The following NR3C1 variants were observed in gnomAD, a reference collection of about 807,000 sequenced individuals.
The protein encoded by NR3C1 is glucocorticoid receptor.
A neutral mutation model predicts 74.0 loss-of-function variants in NR3C1; 14 were observed. That is an observed-to-expected ratio of 0.19 (90% CI 0.12 to 0.30). The LOEUF is 0.30. Among genes scored for constraint, NR3C1 ranks in the 10% least tolerant of loss-of-function variants. NR3C1 has a pLI of 1.00. For missense variants in NR3C1, 695 were observed against 909.8 expected, an observed-to-expected ratio of 0.76 and a Z score of 3.04; for synonymous variants, 308 against 332.5, an observed-to-expected ratio of 0.93 and a Z score of 0.80.
At chr5:143,343,050 A>G (rs1488727058) in intron 2 of NR3C1, among the ~76,000 whole-genome samples, 1 of 152,214 alleles carries the variant, frequency 6.6e-6, no homozygotes, top group Non-Finnish European at 1.5e-5. Context: ...ACACTGTCCA[A>G]CCAAGGTTCT....
At chr5:143,373,607 A>G (rs575355207) in intron 2 of NR3C1, among the ~76,000 whole-genome samples, 26 of 152,306 alleles carry the variant, frequency 1.7e-4, no homozygotes, top group Admixed American at 1.6e-3. Flanking sequence ...AACTTAAAGT[A>G]TAATATAAAA....
Position 143,339,551 on chromosome 5 carries a change from A to C in NR3C1, c.1185-25383T>G, listed in dbSNP as rs112345057. Reference sequence around the variant, plus strand: ...ATGTTCCCTTTTTCAAAATCCTTTAATTTGATAAATGCATTATTTTTCTTA... The same window carrying C: ...ATGTTCCCTTTTTCAAAATCCTTTACTTTGATAAATGCATTATTTTTCTTA... On this transcript the variant is annotated intron_variant, in intron 2 of 8. Coordinates refer to ENST00000394464, the MANE Select transcript of NR3C1 (RefSeq NM_000176.3). Among the ~76,000 whole-genome samples, 942 of 152,240 alleles carry C rather than the reference A, an allele frequency of 6.2e-3. 5 individuals are homozygous for C. Among genetic ancestry groups the C allele is most frequent in the Admixed American group, 0.014 (216 of 15,296 alleles).
At chr5:143,351,495 T>G (rs973749923) in intron 2 of NR3C1, among the ~76,000 whole-genome samples, 1 of 152,170 alleles carries the variant, frequency 6.6e-6, no homozygotes, top group African/African-American at 2.4e-5. Flanking sequence ...AAAAAAGATG[T>G]GTCCAGGGCT....
chr5:143,414,988 G>C (rs187427326), intron 1 of NR3C1, among the ~76,000 whole-genome samples: 17 of 152,162 alleles, frequency 1.1e-4, no homozygotes, highest in South Asian at 4.1e-4. Flanking sequence ...AGAGAGATTG[G>C]GGCCATCCAA....
intron 7 of NR3C1, among the ~76,000 whole-genome samples, chr5:143,286,034 CTA>C (rs1562701331): frequency 3.4e-5 from 5 of 147,384 alleles, no homozygotes; most frequent in East Asian, 2.0e-4. Flanking sequence ...GGGAATAACA[CTA>C]GAGATACTGG....
At position 143,400,443 on chromosome 5, in the gene NR3C1, T is replaced by G; in HGVS notation, c.397A>C (p.Thr133Pro). Residue 133 changes from threonine (T) to proline (P), a missense_variant, in exon 2 of 9, where the codon ACC becomes CCC. Transcript: ENST00000394464. ...CTCTTGGGGTTCTCTGGAACACTGG[T>G]CGACCTATTGAGGTTTGCAATGCTT... ...EESIANLNRS[T>P]SVPENPKSSA... is the part of the protein sequence containing the mutation. 6.2e-7 allele frequency: 1 copy of G among 1,614,212 alleles called. No individual in the cohort carries two copies.
intron 2 of NR3C1, among the ~76,000 whole-genome samples, chr5:143,323,977 T>C (rs1383606193): frequency 6.6e-6 from 1 of 152,230 alleles, no homozygotes; most frequent in African/African-American, 2.4e-5. Context: ...TGGATTCCCA[T>C]GGTCTTGGGC....
chr5:143,358,768 C>T (rs184652131), intron 2 of NR3C1, among the ~76,000 whole-genome samples: 2,300 of 152,050 alleles, frequency 0.015, 27 homozygotes, highest in Non-Finnish European at 0.024. Flanking sequence ...GGCATGGTGG[C>T]ACATGCCTGT....
At chr5:143,305,053 A>T (rs957107763) in intron 4 of NR3C1, among the ~76,000 whole-genome samples, 1 of 152,176 alleles carries the variant, frequency 6.6e-6, no homozygotes, top group African/African-American at 2.4e-5. Context: ...ATGGGACCTA[A>T]CTAAAGAGTT....
intron 2 of NR3C1, among the ~76,000 whole-genome samples, chr5:143,341,083 G>A (rs1561614350): frequency 2.0e-5 from 3 of 152,094 alleles, no homozygotes; most frequent in Non-Finnish European, 4.4e-5. Flanking sequence ...TTCTTTCAGA[G>A]GTTTGATAAG....
At chr5:143,294,431 G>A (rs1002065774) in intron 7 of NR3C1, 21 of 589,818 alleles carry the variant, frequency 3.6e-5, no homozygotes, top group South Asian at 7.5e-5. Context: ...GCAGTTTTAA[G>A]TTCACAGCAA....
chr5:143,423,432 A>G (rs1751340989), intron 1 of NR3C1, among the ~76,000 whole-genome samples: 1 of 152,196 alleles, frequency 6.6e-6, no homozygotes, highest in African/African-American at 2.4e-5. Flanking sequence ...AATTGCTTCT[A>G]TCAAAAAGAC....
intron 7 of NR3C1, among the ~76,000 whole-genome samples, chr5:143,289,748 GCC>G (rs2151506806): frequency 6.6e-6 from 1 of 152,230 alleles, no homozygotes; most frequent in South Asian, 2.1e-4. Context: ...TGGCCAATAA[GCC>G]CATGAAAAGA....
At chr5:143,328,064 G>A (rs1235148681) in intron 2 of NR3C1, among the ~76,000 whole-genome samples, 4 of 152,348 alleles carry the variant, frequency 2.6e-5, no homozygotes, top group Non-Finnish European at 4.4e-5. Flanking sequence ...ACTTCTGCCT[G>A]GACATCCAGG....
At chr5:143,340,839 T>C (rs1828073943) in intron 2 of NR3C1, among the ~76,000 whole-genome samples, 1 of 152,104 alleles carries the variant, frequency 6.6e-6, no homozygotes, top group Non-Finnish European at 1.5e-5. Context: ...TTTTTAAACT[T>C]TTAGGCTTGG....
At chr5:143,424,207 TATA>T (rs201443181) in intron 1 of NR3C1, among the ~76,000 whole-genome samples, 34,205 of 144,706 alleles carry the variant, frequency 0.24, 4,607 homozygotes, top group Admixed American at 0.33. Flanking sequence ...AAACTTATAG[TATA>T]ATAATAATAA....
chr5:143,379,950 T>C (rs1835890848), intron 2 of NR3C1, among the ~76,000 whole-genome samples: 1 of 152,226 alleles, frequency 6.6e-6, no homozygotes, highest in Admixed American at 6.5e-5. Context: ...TCTAAACTGT[T>C]AATATGGAAG....
At chr5:143,304,075 A>G (rs546120844) in intron 4 of NR3C1, among the ~76,000 whole-genome samples, 1 of 152,188 alleles carries the variant, frequency 6.6e-6, no homozygotes, top group African/African-American at 2.4e-5. Context: ...CAGAACAATC[A>G]GGTAAGAGAA....
intron 2 of NR3C1, among the ~76,000 whole-genome samples, chr5:143,358,948 C>G (rs1831702372): frequency 6.6e-6 from 1 of 151,726 alleles, no homozygotes. Context: ...ATACGTAAGA[C>G]AGATAAAAGT....
Sources: gnomAD v4.1 joint callset for allele counts (sites outside exome capture counted in the v4.1 genomes callset) on GRCh38, gnomAD v4.1.1 for gene constraint, MANE v1.5 for transcripts, NCBI Gene and HGNC (gene_info 2026-07-23, HGNC 2026-07-21) for gene names.